The following SPATA6 variants were observed in gnomAD, a reference collection of about 807,000 sequenced individuals.
SPATA6 encodes the protein spermatogenesis associated 6, also known as spermatogenesis-associated protein 6.
In SPATA6, 56 loss-of-function variants were observed where a neutral mutation model predicts 65.3. The ratio of observed to expected loss-of-function variants is 0.86; its 90% confidence interval spans 0.69 to 1.07. The LOEUF is 1.07. Ranked by LOEUF, SPATA6 falls within the 50% of genes least tolerant of loss-of-function variation. The pLI is 0.00. For synonymous variants in SPATA6, 199 were observed against 213.2 expected (o/e 0.93, Z 0.58); for missense variants, 590 against 594.8 (o/e 0.99, Z 0.08).
chr1:48,363,729 G>GAA (rs895854053), intron 9 of SPATA6, among the ~76,000 whole-genome samples: 26 of 151,462 alleles, frequency 1.7e-4, no homozygotes, highest in Non-Finnish European at 3.5e-4. Flanking sequence ...AAACTAATCT[G>GAA]AAACTGGTAC....
intron 1 of SPATA6, among the ~76,000 whole-genome samples, chr1:48,459,065 C>T (rs1039728688): frequency 1.1e-4 from 17 of 151,590 alleles, no homozygotes; most frequent in Admixed American, 8.6e-4. Flanking sequence ...ATTAACTGGG[C>T]GTGGTGGCAG....
intron 11 of SPATA6, among the ~76,000 whole-genome samples, chr1:48,315,644 C>A (rs1425432617): frequency 6.6e-6 from 1 of 152,142 alleles, no homozygotes; most frequent in African/African-American, 2.4e-5. Flanking sequence ...CAGGGATGCC[C>A]TCTCTCACCA....
intron 9 of SPATA6, among the ~76,000 whole-genome samples, chr1:48,375,203 T>C (rs1384493832): frequency 6.6e-6 from 1 of 152,202 alleles, no homozygotes; most frequent in African/African-American, 2.4e-5. Context: ...GGTTAAGCTC[T>C]CAATCACTGA....
chr1:48,331,665 A>G (rs1172492224), intron 11 of SPATA6, among the ~76,000 whole-genome samples: 2 of 152,246 alleles, frequency 1.3e-5, no homozygotes, highest in Non-Finnish European at 2.9e-5. Context: ...AGTATCGTCC[A>G]TGAGAACTTC....
intron 3 of SPATA6, among the ~76,000 whole-genome samples, chr1:48,426,136 AG>A (rs1362682333): frequency 6.6e-6 from 1 of 152,224 alleles, no homozygotes; most frequent in Non-Finnish European, 1.5e-5. Context: ...TAATAAGAAC[AG>A]AACAAACAAC....
At chr1:48,350,854 T>G (rs1646497153) in intron 11 of SPATA6, among the ~76,000 whole-genome samples, 1 of 151,974 alleles carries the variant, frequency 6.6e-6, no homozygotes, top group Admixed American at 6.6e-5. Flanking sequence ...TTTTTCAAGT[T>G]TCTTTGCCTT....
At chr1:48,270,679 C>T in the SPATA6 span, among the ~76,000 whole-genome samples, 9 of 151,578 alleles carry the variant, frequency 5.9e-5, no homozygotes, top group Non-Finnish European at 1.3e-4. Flanking sequence ...AGTTTAATTC[C>T]CTTGGCTTAA....
At chr1:48,273,730 T>C in the SPATA6 span, among the ~76,000 whole-genome samples, 1 of 152,256 alleles carries the variant, frequency 6.6e-6, no homozygotes, top group South Asian at 2.1e-4. Context: ...ATTTTCTTTA[T>C]ACATTCTATC....
chr1:48,263,492 C>G, the SPATA6 span, among the ~76,000 whole-genome samples: 1 of 152,104 alleles, frequency 6.6e-6, no homozygotes, highest in Non-Finnish European at 1.5e-5. Flanking sequence ...GAAAAGTGAT[C>G]AATTTGCTGC....
intron 3 of SPATA6, among the ~76,000 whole-genome samples, chr1:48,448,792 A>T (rs1323443940): frequency 1.3e-5 from 2 of 152,216 alleles, no homozygotes; most frequent in African/African-American, 2.4e-5. Flanking sequence ...GAGAAAAAAG[A>T]TTACATATTA....
intron 3 of SPATA6, among the ~76,000 whole-genome samples, chr1:48,425,455 A>G (rs569262127): frequency 4.1e-4 from 62 of 152,320 alleles, no homozygotes; most frequent in African/African-American, 1.4e-3. Context: ...AAGTGTATTC[A>G]TAAGAGGAGT....
At chr1:48,341,383 T>C (rs1448517256) in intron 11 of SPATA6, among the ~76,000 whole-genome samples, 1 of 149,410 alleles carries the variant, frequency 6.7e-6, no homozygotes, top group East Asian at 1.9e-4. Flanking sequence ...TAAAATCTTA[T>C]GCTGTCCTGC....
chr1:48,403,340 A>G (rs892074257), intron 6 of SPATA6, among the ~76,000 whole-genome samples: 1 of 152,164 alleles, frequency 6.6e-6, no homozygotes, highest in African/African-American at 2.4e-5. Flanking sequence ...CAGTCCCTCA[A>G]GAAATCAGAG....
chr1:48,426,429 C>T (rs1372605294), intron 3 of SPATA6, among the ~76,000 whole-genome samples: 1 of 151,828 alleles, frequency 6.6e-6, no homozygotes, highest in Admixed American at 6.6e-5. Context: ...GGATAAAACC[C>T]AAGACACTAG....
chr1:48,356,908 T>C (rs1189170111), intron 10 of SPATA6, among the ~76,000 whole-genome samples: 2 of 152,196 alleles, frequency 1.3e-5, no homozygotes, highest in Non-Finnish European at 2.9e-5. Flanking sequence ...TAATCAATTA[T>C]CTAAACTTTA....
intron 4 of SPATA6, among the ~76,000 whole-genome samples, chr1:48,412,521 A>C (rs954372895): frequency 1.3e-5 from 2 of 152,228 alleles, no homozygotes; most frequent in Non-Finnish European, 2.9e-5. Context: ...CATTTATGAC[A>C]ATCTTTCTGT....
intron 11 of SPATA6, among the ~76,000 whole-genome samples, chr1:48,343,540 G>A (rs555787648): frequency 2.6e-5 from 4 of 152,116 alleles, no homozygotes; most frequent in Non-Finnish European, 5.9e-5. Flanking sequence ...TTGCCAGAGA[G>A]AGAGGGAAGG....
chr1:48,330,304 G>A (rs1455384217), intron 11 of SPATA6, among the ~76,000 whole-genome samples: 1 of 152,036 alleles, frequency 6.6e-6, no homozygotes, highest in Non-Finnish European at 1.5e-5. Flanking sequence ...GACCCCAACA[G>A]CCCTAGTCAC....
chr1:48,465,678 A>C (rs890230886), intron 1 of SPATA6, among the ~76,000 whole-genome samples: 2 of 152,152 alleles, frequency 1.3e-5, no homozygotes, highest in Non-Finnish European at 2.9e-5. Context: ...TATACACAGA[A>C]TCTATGTGAA....
Sources: gnomAD v4.1 joint callset for allele counts (sites outside exome capture counted in the v4.1 genomes callset) on GRCh38, gnomAD v4.1.1 for gene constraint, MANE v1.5 for transcripts, NCBI Gene and HGNC (gene_info 2026-07-23, HGNC 2026-07-21) for gene names.